Variants in OXSR1 observed in about 807,000 individuals in gnomAD.
OXSR1 encodes serine/threonine-protein kinase OSR1.
Under a neutral mutation model 79.8 loss-of-function variants are expected in OXSR1, and 24 were observed. The observed-to-expected ratio is 0.30, with a 90% CI of 0.22 to 0.42. OXSR1 has a LOEUF of 0.42. Ranked by LOEUF, OXSR1 falls within the 10% of genes least tolerant of loss-of-function variation. OXSR1 has a pLI of 1.00. For synonymous variants in OXSR1, 226 were observed against 209.2 expected, an observed-to-expected ratio of 1.08 and a Z score of -0.69; for missense variants, 430 against 618.4, an observed-to-expected ratio of 0.70 and a Z score of 3.23.
intron 5 of OXSR1, 135 bp downstream of exon 5, chr3:38,216,286 A>G (rs1249918321): frequency 1.7e-6 from 1 of 600,668 alleles, no homozygotes; most frequent in Non-Finnish European, 2.9e-6. Flanking sequence ...TTGGCATGTC[A>G]TAGGATGCCA....
At chr3:38,225,490 G>A (rs1321600177) in intron 8 of OXSR1, among the ~76,000 whole-genome samples, 1 of 151,956 alleles carries the variant, frequency 6.6e-6, no homozygotes, top group South Asian at 2.1e-4. Flanking sequence ...TATGTAATAG[G>A]GTTTCAGAAT....
Position 38,243,003 on chromosome 3 carries a change from GTTATTTATTTAT to G in OXSR1, c.1110+260_1110+271del, listed in dbSNP as rs34493594. 4.3e-3 allele frequency among the ~76,000 whole-genome samples: 629 copies of G among 146,262 alleles called. 9 individuals carry two copies. The East Asian group carries it at 0.046, about 11-fold the overall frequency. On this transcript the variant is annotated intron_variant, in intron 12 of 17. Coordinates refer to ENST00000311806, the MANE Select transcript of OXSR1 (RefSeq NM_005109.3). Reference sequence around the variant, plus strand: ...TGGCTTGGGCTGCTGGAAGTGAAAAGTTATTTATTTATTTATTTATTTATTTATTTATTTATT... The same window carrying G: ...TGGCTTGGGCTGCTGGAAGTGAAAAGTTATTTATTTATTTATTTATTTATT...
intron 2 of OXSR1, among the ~76,000 whole-genome samples, chr3:38,189,116 G>A (rs1005740487): frequency 6.6e-6 from 1 of 152,048 alleles, no homozygotes; most frequent in Non-Finnish European, 1.5e-5. Flanking sequence ...ATCTTGTACT[G>A]TTATTTCTCC....
rs190219865 is a variant in OXSR1 at position 38,170,029 on chromosome 3, G to A, written c.70+4083G>A. Among the ~76,000 whole-genome samples the A allele has an allele frequency of 6.1e-3, 927 of 152,078 alleles. 9 individuals are homozygous for A. Among genetic ancestry groups the A allele is most frequent in the Non-Finnish European group, 8.4e-3 (571 of 67,992 alleles). On this transcript the variant is annotated intron_variant, in intron 1 of 17. Coordinates refer to ENST00000311806, the MANE Select transcript of OXSR1 (RefSeq NM_005109.3). The stretch of plus-strand genomic sequence containing the variant: ...TTACAGGCGTGAGCCACTGCGCTTA[G>A]CCTTCTTTAATTTTATTATTATTAT...
In OXSR1 at chr3:38,253,045, T is replaced by C; in HGVS notation, c.*154T>C. 1 of 618,870 alleles carries C rather than the reference T, an allele frequency of 1.6e-6. No individual in the cohort carries two copies. The highest frequency in any genetic ancestry group is 2.0e-5 in the South Asian group (1 of 50,592). 38.3% of individuals were successfully genotyped at this position (618,870 alleles called of 1,614,324 possible). A position where few individuals can be genotyped will look rare whatever the true frequency, so the allele number is the denominator to read the frequency against. ...TTTATGTTCTTCCTGCCATCATTCC[T>C]CCTTTTCCCACAGGGAAAGAAAAGT... On this transcript the variant is annotated 3_prime_UTR_variant, in exon 18 of 18. Transcript: ENST00000311806.
intron 4 of OXSR1, among the ~76,000 whole-genome samples, chr3:38,209,114 T>C (rs1186425855): frequency 6.6e-6 from 1 of 152,146 alleles, no homozygotes; most frequent in African/African-American, 2.4e-5. Flanking sequence ...TTTCTTTTGT[T>C]AGTTACTTTT....
chr3:38,207,932 T>TTTCCTTCC (rs1202436620), intron 4 of OXSR1, among the ~76,000 whole-genome samples: 4 of 95,126 alleles, frequency 4.2e-5, no homozygotes, highest in African/African-American at 1.7e-4. Context: ...CTCCCCTCCC[T>TTTCCTTCC]TTCCTTCCTT....
chr3:38,230,336 A>G lies in OXSR1; in HGVS notation c.886-29A>G, dbSNP rs188080038. On this transcript the variant is annotated intron_variant, in intron 9 of 17. Coordinates refer to ENST00000311806, the MANE Select transcript of OXSR1 (RefSeq NM_005109.3). ...TTTTTTGGTACCTTAAAAACTTGTA[A>G]GAACAAAATACTTACTTTTCCTCTC... The G allele has an allele frequency of 2.1e-3, 3,129 of 1,460,578 alleles. 15 individuals are homozygous for G. Among genetic ancestry groups the G allele is most frequent in the Non-Finnish European group, 2.6e-3 (2,699 of 1,053,324 alleles). 90.5% of individuals were successfully genotyped at this position (1,460,578 alleles called of 1,614,324 possible). A position where few individuals can be genotyped will look rare whatever the true frequency, so the allele number is the denominator to read the frequency against.
intron 2 of OXSR1, among the ~76,000 whole-genome samples, chr3:38,185,973 A>AAAAAAAAAG: frequency 6.7e-6 from 1 of 150,330 alleles, no homozygotes; most frequent in African/African-American, 2.5e-5. Flanking sequence ...AAAAAAAAAA[A>AAAAAAAAAG]AAAAGTCATG....
chr3:38,216,214 T>C, intron 5 of OXSR1, 63 bp downstream of exon 5: 1 of 1,020,464 alleles, frequency 9.8e-7, no homozygotes, highest in Non-Finnish European at 1.5e-6. Flanking sequence ...ACTTATCTTT[T>C]ATGTTTCCTT....
intron 2 of OXSR1, among the ~76,000 whole-genome samples, chr3:38,183,469 A>T (rs766378783): frequency 1.3e-4 from 20 of 152,216 alleles, no homozygotes; most frequent in Non-Finnish European, 2.4e-4. Flanking sequence ...GTGTGTTTAT[A>T]GTATTCTGTT....
At chr3:38,249,844 T>TC in intron 14 of OXSR1, 122 bp from the exon 15 acceptor site, 1 of 678,072 alleles carries the variant, frequency 1.5e-6, no homozygotes. Flanking sequence ...TCTGAATACA[T>TC]CATATGATCT....
rs542445962 is a variant in OXSR1 at position 38,199,249 on chromosome 3, A to G, written c.434+386A>G. Among the ~76,000 whole-genome samples the G allele has an allele frequency of 2.0e-3, 303 of 151,388 alleles. 1 individual carries two copies. The highest frequency in any genetic ancestry group is 7.2e-3 in the African/African-American group (296 of 41,378). On this transcript the variant is annotated intron_variant, in intron 4 of 17. Coordinates refer to ENST00000311806, the MANE Select transcript of OXSR1 (RefSeq NM_005109.3). ...TATTAAAAGCTTTTTATAAAATAAC[A>G]TTTTTAAAATTATAGCCTTTTTTCT... is the stretch of plus-strand genomic sequence containing the variant.
rs114816492 is a variant in OXSR1 at position 38,178,252 on chromosome 3, C to T, written c.71-4751C>T. Among the ~76,000 whole-genome samples the T allele has an allele frequency of 5.9e-3, 900 of 152,028 alleles. 8 individuals carry two copies. The highest frequency in any genetic ancestry group is 0.02 in the African/African-American group (846 of 41,462). On this transcript the variant is annotated intron_variant, in intron 1 of 17. Transcript: ENST00000311806. Reference sequence around the variant, plus strand: ...AGGTGTGAGCCACTGTGCCCAGCCCCGTGCAGAGTTTTTACTTAGTTTGTC... The same window carrying T: ...AGGTGTGAGCCACTGTGCCCAGCCCTGTGCAGAGTTTTTACTTAGTTTGTC...
At chr3:38,190,362 AC>A (rs1701961269) in intron 2 of OXSR1, among the ~76,000 whole-genome samples, 1 of 152,184 alleles carries the variant, frequency 6.6e-6, no homozygotes, top group African/African-American at 2.4e-5. Context: ...CTATAAAAAA[AC>A]CCTGTTTATT....
chr3:38,184,147 T>A (rs1034436027), intron 2 of OXSR1, among the ~76,000 whole-genome samples: 2 of 152,158 alleles, frequency 1.3e-5, no homozygotes, highest in African/African-American at 4.8e-5. Flanking sequence ...CAAATTGTAT[T>A]TTATTTCTGG....
At chr3:38,167,003 A>G (rs1200646674) in intron 1 of OXSR1, among the ~76,000 whole-genome samples, 2 of 152,150 alleles carry the variant, frequency 1.3e-5, no homozygotes, top group Non-Finnish European at 2.9e-5. Flanking sequence ...ACAGAGGGAT[A>G]TAGAGATGCA....
chr3:38,196,397 CG>C (rs755236255), intron 3 of OXSR1, among the ~76,000 whole-genome samples: 3 of 152,056 alleles, frequency 2.0e-5, no homozygotes, highest in African/African-American at 7.2e-5. Context: ...GGATAAGAAG[CG>C]GGGGAGCTTA....
chr3:38,212,724 A>G (rs1050081035), intron 4 of OXSR1, among the ~76,000 whole-genome samples: 5 of 152,200 alleles, frequency 3.3e-5, no homozygotes, highest in African/African-American at 1.2e-4. Flanking sequence ...GACATGTGAG[A>G]AATGACATTA....
Sources: gnomAD v4.1 joint callset for allele counts (sites outside exome capture counted in the v4.1 genomes callset) on GRCh38, gnomAD v4.1.1 for gene constraint, MANE v1.5 for transcripts, NCBI Gene and HGNC (gene_info 2026-07-23, HGNC 2026-07-21) for gene names.